The following VCAM1 variants were observed in gnomAD, a reference collection of about 807,000 sequenced individuals.
VCAM1 encodes the protein vascular cell adhesion protein 1.
In VCAM1, 41 loss-of-function variants were observed where a neutral mutation model predicts 63.8. The observed-to-expected ratio is 0.64, with a 90% CI of 0.50 to 0.83. The LOEUF (loss-of-function observed/expected upper bound fraction) is 0.83, where lower values mean the gene tolerates loss of function less well. Among genes scored for constraint, VCAM1 ranks in the 40% least tolerant of loss-of-function variants. The pLI, the probability that VCAM1 is intolerant of heterozygous loss-of-function variation, is 0.00. For synonymous variants in VCAM1, 338 were observed against 320.7 expected (o/e 1.05, Z -0.58); for missense variants, 798 against 875.5 (o/e 0.91, Z 1.12).
At chr1:100,737,910 T>A in intron 8 of VCAM1, 1 of 438,542 alleles carries the variant, frequency 2.3e-6, no homozygotes, top group Non-Finnish European at 4.0e-6. Flanking sequence ...ACAACTATCA[T>A]CTTTAGATCC....
chr1:100,722,885 C>G (rs1231656090), intron 2 of VCAM1, 135 bp from the exon 3 acceptor site: 1 of 978,330 alleles, frequency 1.0e-6, no homozygotes, highest in Non-Finnish European at 1.5e-6. Context: ...TCATGAAAGG[C>G]TATTCAAACA....
chr1:100,720,460 T>G lies in VCAM1; in HGVS notation c.65-16T>G, dbSNP rs1677740903. On this transcript the variant is annotated splice_polypyrimidine_tract_variant and intron_variant, in intron 1 of 8. Coordinates refer to ENST00000294728, the MANE Select transcript of VCAM1 (RefSeq NM_001078.4). ...ACTAGTGGTAAATTTGCTTCTGTCTTTTTTTGCTTTTGCAGCTCAAGCTTT... is the reference window on the plus strand; with the variant it reads ...ACTAGTGGTAAATTTGCTTCTGTCTGTTTTTGCTTTTGCAGCTCAAGCTTT... 6.2e-7 allele frequency: 1 copy of G among 1,601,018 alleles called. No individual in the cohort carries two copies. Among genetic ancestry groups the G allele is most frequent in the Non-Finnish European group, 8.5e-7 (1 of 1,171,632 alleles).
At chr1:100,723,942 C>A (rs1337868097) in intron 3 of VCAM1, among the ~76,000 whole-genome samples, 1 of 151,962 alleles carries the variant, frequency 6.6e-6, no homozygotes, top group African/African-American at 2.4e-5. Context: ...ATGCTATGTT[C>A]TGCACTGGGT....
At chr1:100,720,318 CA>C (rs1198702472) in intron 1 of VCAM1, among the ~76,000 whole-genome samples, 157 bp from the exon 2 acceptor site, 1 of 152,060 alleles carries the variant, frequency 6.6e-6, no homozygotes, top group Admixed American at 6.6e-5. Context: ...ACTTTTTTGG[CA>C]GTGACTTCGG....
At position 100,734,547 on chromosome 1, in the gene VCAM1, T is replaced by C. The variant is rs1230475145; in HGVS notation, c.1838T>C (p.Val613Ala). ...CTTACAGCTTTTCCTTCTGAGAGTG[T>C]CAAAGAAGGAGACACTGTCATCATC... is the stretch of plus-strand genomic sequence containing the variant. ...IKLTAFPSESVKEGDTVIISC... is the reference protein window; with the variant it reads ...IKLTAFPSESAKEGDTVIISC... The change falls in exon 8 of 9, where the codon GTC becomes GCC. Residue 613 changes from valine to alanine, a missense_variant. Physicochemically the swap from Val to Ala is moderately conservative, Grantham distance 64 (BLOSUM62 0). Coordinates refer to ENST00000294728, the MANE Select transcript of VCAM1 (RefSeq NM_001078.4). 4 of 1,613,708 alleles carry C rather than the reference T, an allele frequency of 2.5e-6. No homozygotes were observed. The highest frequency in any genetic ancestry group is 1.6e-4 in the Middle Eastern group (1 of 6,062).
chr1:100,724,707 G>A lies in VCAM1; in HGVS notation c.745G>A (p.Glu249Lys), dbSNP rs572677769. The change falls in exon 4 of 9, where the codon GAG becomes AAG. Residue 249 changes from glutamate to lysine, a missense_variant. Glu to Lys is a moderately conservative substitution (Grantham distance 56, BLOSUM62 1). Transcript: ENST00000294728. ...GGSVTMTCSS[E>K]GLPAPEIFWS... ...CTCTGTGACCATGACCTGTTCCAGCGAGGGTCTACCAGCTCCAGAGATTTT... is the reference window on the plus strand; with the variant it reads ...CTCTGTGACCATGACCTGTTCCAGCAAGGGTCTACCAGCTCCAGAGATTTT... 1.4e-4 allele frequency: 218 copies of A among 1,613,026 alleles called. 3 individuals are homozygous for A. In the South Asian group the frequency reaches 2.2e-3, roughly 16 times the overall value.
Position 100,731,475 on chromosome 1 carries a change from C to T in VCAM1, c.1482C>T (p.Phe494=), listed in dbSNP as rs368828382. 1.2e-5 allele frequency: 20 copies of T among 1,613,300 alleles called. No individual in the cohort carries two copies. The highest frequency in any genetic ancestry group is 1.1e-4 in the African/African-American group (8 of 74,826). Reference sequence around the variant, plus strand: ...AGTTACATATTGATGACATGGAATTCGAACCCAAACAAAGGCAGAGTACGC... The same window carrying T: ...AGTTACATATTGATGACATGGAATTTGAACCCAAACAAAGGCAGAGTACGC... ...QAKLHIDDME[F]EPKQRQSTQT... Residue 494 remains phenylalanine (F), a synonymous_variant, in exon 6 of 9, where the codon TTC becomes TTT. Coordinates refer to ENST00000294728, the MANE Select transcript of VCAM1 (RefSeq NM_001078.4). This position sits in a 1 kb window ranked among gnomAD's most constrained non-coding sequence, Gnocchi z 4.2.
chr1:100,726,684 C>T (rs1660172343), intron 4 of VCAM1, among the ~76,000 whole-genome samples: 1 of 151,990 alleles, frequency 6.6e-6, no homozygotes, highest in South Asian at 2.1e-4. Flanking sequence ...ATATTAAGAG[C>T]CCTTGTCCAA....
At position 100,724,775 on chromosome 1, in the gene VCAM1, T is replaced by C. The variant is rs775093801; in HGVS notation, c.813T>C (p.Ser271=). 1 of 1,613,050 alleles carries C rather than the reference T, an allele frequency of 6.2e-7. No individual in the cohort carries two copies. Among genetic ancestry groups the C allele is most frequent in the South Asian group, 1.1e-5 (1 of 91,060 alleles). Residue 271 remains serine, a synonymous_variant, in exon 4 of 9, where the codon TCT becomes TCC. Transcript: ENST00000294728. ...ATAATGGGAATCTACAGCACCTTTC[T>C]GGAAATGCAACTCTCACCTTAATTG... ...KLDNGNLQHL[S]GNATLTLIAM... is the part of the protein sequence containing the mutation.
Position 100,738,369 on chromosome 1 carries a change from G to T in VCAM1, c.*86G>T. ...CATCATTCCTTGAGAAAAACAATGA[G>T]CTGAGAGGCAGACTTCCCTGAATGT... On this transcript the variant is annotated 3_prime_UTR_variant, in exon 9 of 9. Transcript: ENST00000294728. 2 of 1,427,760 alleles carry T rather than the reference G, an allele frequency of 1.4e-6. No individual in the cohort carries two copies. Among genetic ancestry groups the T allele is most frequent in the Non-Finnish European group, 1.9e-6 (2 of 1,053,372 alleles). The allele number at this position is 1,427,760 out of a possible 1,614,324, so 88.4% of individuals were successfully genotyped here. A position where few individuals can be genotyped will look rare whatever the true frequency, so the allele number is the denominator to read the frequency against.
In VCAM1 at chr1:100,738,393, G is replaced by A; in HGVS notation, c.*110G>A. 7.9e-7 allele frequency: 1 copy of A among 1,270,512 alleles called. No individual in the cohort carries two copies. Among genetic ancestry groups the A allele is most frequent in the South Asian group, 1.6e-5 (1 of 61,892 alleles). 78.7% of individuals were successfully genotyped at this position (1,270,512 alleles called of 1,614,324 possible). On this transcript the variant is annotated 3_prime_UTR_variant, in exon 9 of 9. Transcript: ENST00000294728. ...AGCTGAGAGGCAGACTTCCCTGAAT[G>A]TATTGAACTTGGAAAGAAATGCCCA...
intron 5 of VCAM1, among the ~76,000 whole-genome samples, chr1:100,729,956 C>T (rs944761456): frequency 6.6e-6 from 1 of 152,128 alleles, no homozygotes; most frequent in African/African-American, 2.4e-5. Flanking sequence ...ACATATACTA[C>T]ACTTTCTCTC....
rs1032634353 is a variant in VCAM1 at position 100,731,676 on chromosome 1, C to T, written c.1525+158C>T. 1.3e-5 allele frequency among the ~76,000 whole-genome samples: 2 copies of T among 152,170 alleles called. No individual in the cohort carries two copies. The highest frequency in any genetic ancestry group is 2.9e-5 in the Non-Finnish European group (2 of 68,034). On this transcript the variant is annotated intron_variant, in intron 6 of 8. Transcript: ENST00000294728. The surrounding 1 kb of genome is among the most constrained non-coding windows in gnomAD (Gnocchi z 4.2). The stretch of plus-strand genomic sequence containing the variant: ...AATGATGATTGTAACAAATCACCCT[C>T]CCTAAACTTAAAATAGTAACTATTT...
At chr1:100,720,362 C>A in intron 1 of VCAM1, 114 bp from the exon 2 acceptor site, 1 of 1,378,252 alleles carries the variant, frequency 7.3e-7, no homozygotes, top group Non-Finnish European at 9.8e-7. Context: ...TAGTTTGAAG[C>A]AGCTTAGGAA....
chr1:100,734,812 G>A, intron 8 of VCAM1, 44 bp downstream of exon 8: 1 of 1,596,456 alleles, frequency 6.3e-7, no homozygotes. Flanking sequence ...ATAGTTCAGA[G>A]GTTCCAAGGA....
In VCAM1 at chr1:100,720,824, AAAAAAGTTT is replaced by A. The variant is rs1435931830; in HGVS notation, c.340+74_340+82del. 2.7e-6 allele frequency: 4 copies of A among 1,496,042 alleles called. No homozygotes were observed. In the African/African-American group the frequency reaches 5.7e-5, roughly 21 times the overall value. 92.7% of individuals were successfully genotyped at this position (1,496,042 alleles called of 1,614,324 possible). ...ATCACTTTTTAAAAATGATATTTTAAAAAAAGTTTTAAAATGGATATTCATGTACAGATT... is the reference window on the plus strand; with the variant it reads ...ATCACTTTTTAAAAATGATATTTTAATAAAATGGATATTCATGTACAGATT... On this transcript the variant is annotated intron_variant, in intron 2 of 8. Coordinates refer to ENST00000294728, the MANE Select transcript of VCAM1 (RefSeq NM_001078.4).
At chr1:100,735,481 A>G (rs111628196) in intron 8 of VCAM1, 4 of 152,240 alleles carry the variant, frequency 2.6e-5, no homozygotes, top group African/African-American at 7.2e-5. Context: ...TTGCACACCA[A>G]TTAGCTGCTA....
chr1:100,719,887 T>C lies in VCAM1; in HGVS notation c.27T>C (p.Leu9=), dbSNP rs754145648. 3 of 1,611,760 alleles carry C rather than the reference T, an allele frequency of 1.9e-6. No individual in the cohort carries two copies. Among genetic ancestry groups the C allele is most frequent in the Non-Finnish European group, 2.5e-6 (3 of 1,178,466 alleles). The part of the protein sequence containing the change: MPGKMVVI[L]GASNILWIMF... ...TGCCTGGGAAGATGGTCGTGATCCT[T>C]GGAGCCTCAAATATACTTTGGATAA... is the stretch of plus-strand genomic sequence containing the variant. Residue 9 remains leucine, a synonymous_variant, in exon 1 of 9, where the codon CTT becomes CTC. Coordinates refer to ENST00000294728, the MANE Select transcript of VCAM1 (RefSeq NM_001078.4).
chr1:100,737,463 T>G (rs1197195367), intron 8 of VCAM1: 1 of 152,142 alleles, frequency 6.6e-6, no homozygotes, highest in Non-Finnish European at 1.5e-5. Flanking sequence ...AGAGAATGCC[T>G]CTAAGAAACA....
Sources: allele counts gnomAD v4.1 joint callset (sites outside exome capture counted in the v4.1 genomes callset), GRCh38; gene constraint gnomAD v4.1.1; non-coding constraint Gnocchi (gnomAD v3.1); transcripts MANE v1.5; gene names NCBI Gene and HGNC (gene_info 2026-07-23, HGNC 2026-07-21).